The following SUZ12 variants were observed in gnomAD, a reference collection of about 807,000 sequenced individuals.
SUZ12 encodes SUZ12 polycomb repressive complex 2 subunit, also known as polycomb protein SUZ12.
In SUZ12, 17 loss-of-function variants were observed where a neutral mutation model predicts 87.3. The ratio of observed to expected loss-of-function variants is 0.19; its 90% CI spans 0.13 to 0.29. The LOEUF (loss-of-function observed/expected upper bound fraction) is 0.29, where lower values mean the gene tolerates loss of function less well. Ranked by LOEUF, SUZ12 falls within the 10% of genes least tolerant of loss-of-function variation. The pLI is 1.00. For synonymous variants in SUZ12, 253 were observed against 312.4 expected (o/e 0.81, Z 2.01); for missense variants, 526 against 912.2 (o/e 0.58, Z 5.45).
intron 6 of SUZ12, among the ~76,000 whole-genome samples, chr17:31,974,143 G>A (rs1324194504): frequency 6.6e-6 from 1 of 151,974 alleles, no homozygotes; most frequent in South Asian, 2.1e-4. Flanking sequence ...CCAGTAAGTC[G>A]AGGCTGCAGT....
chr17:31,951,936 A>G (rs1193026595), intron 4 of SUZ12, among the ~76,000 whole-genome samples: 2 of 151,000 alleles, frequency 1.3e-5, no homozygotes, highest in Non-Finnish European at 2.9e-5. Flanking sequence ...TACCACGTCC[A>G]ACTAATTTTT....
intron 10 of SUZ12, among the ~76,000 whole-genome samples, chr17:31,990,148 G>GTTTTTTTTTT (rs1567836883): frequency 7.9e-6 from 1 of 127,042 alleles, no homozygotes; most frequent in Non-Finnish European, 1.6e-5. Flanking sequence ...TTTTTTTTTG[G>GTTTTTTTTTT]ATTTTTAGTA....
At position 31,975,754 on chromosome 17, in the gene SUZ12, G is replaced by C. The variant is rs766834655; in HGVS notation, c.823+41G>C. 4 of 1,462,058 alleles carry C rather than the reference G, an allele frequency of 2.7e-6. No individual in the cohort carries two copies. In the East Asian group the frequency reaches 9.5e-5, roughly 35 times the overall value. The allele number at this position is 1,462,058 out of a possible 1,614,324, so 90.6% of individuals were successfully genotyped here. A position where few individuals can be genotyped will look rare whatever the true frequency, so the allele number is the denominator to read the frequency against. The stretch of plus-strand genomic sequence containing the variant: ...ACTAGATTTTATCACTGGAGACTAA[G>C]ATGGTCATTGAAAATGATTGTACCA... On this transcript the variant is annotated intron_variant, in intron 7 of 15. Coordinates refer to ENST00000322652, the MANE Select transcript of SUZ12 (RefSeq NM_015355.4).
At chr17:31,986,806 T>C (rs1909445463) in intron 9 of SUZ12, among the ~76,000 whole-genome samples, 1 of 152,212 alleles carries the variant, frequency 6.6e-6, no homozygotes, top group African/African-American at 2.4e-5. Context: ...CTCCTCGGCC[T>C]CCCAAAGTGC....
intron 8 of SUZ12, among the ~76,000 whole-genome samples, chr17:31,980,873 A>C (rs1337177118): frequency 6.6e-6 from 1 of 152,092 alleles, no homozygotes; most frequent in African/African-American, 2.4e-5. Flanking sequence ...TTGTTTTTAA[A>C]ATCTCACAGA....
intron 5 of SUZ12, among the ~76,000 whole-genome samples, chr17:31,969,778 A>G (rs929914071): frequency 6.6e-6 from 1 of 152,144 alleles, no homozygotes; most frequent in Non-Finnish European, 1.5e-5. Flanking sequence ...GCTTGCCTGT[A>G]TTTCCATCTA....
Position 31,999,730 on chromosome 17 carries a change from T to C in SUZ12, c.*727T>C. On this transcript the variant is annotated 3_prime_UTR_variant, in exon 16 of 16. Coordinates refer to ENST00000322652, the MANE Select transcript of SUZ12 (RefSeq NM_015355.4). ...TTTCATGTGGATAATTTTAGTGCAT[T>C]GCTCACCCGGTATGTTTTTTTTTTT... is the stretch of plus-strand genomic sequence containing the variant. The C allele has an allele frequency of 4.3e-6, 1 of 232,368 alleles. No individual in the cohort carries two copies. The allele number at this position is 232,368 out of a possible 1,614,324, so 14.4% of individuals were successfully genotyped here.
rs183650826 is a variant in SUZ12 at position 31,976,566 on chromosome 17, A to G, written c.869A>G (p.Asp290Gly). 6 of 1,613,316 alleles carry G rather than the reference A, an allele frequency of 3.7e-6. No individual in the cohort carries two copies. The African/African-American group carries it at 4.0e-5, about 11-fold the overall frequency. The change falls in exon 8 of 16, where the codon GAT becomes GGT. Residue 290 changes from aspartate to glycine, a missense_variant. By Grantham distance (94) the Asp-to-Gly change is moderately conservative. This residue lies in a region of SUZ12 where 73 missense variants were observed against 133.8 expected (regional missense o/e 0.55). Coordinates refer to ENST00000322652, the MANE Select transcript of SUZ12 (RefSeq NM_015355.4). ...LPARRKRNRE[D>G]GEKTFVAQMT... ...GCCAGAAGAAAACGAAATCGTGAGG[A>G]TGGGGAAAAGACATTTGTTGCACAA... is the stretch of plus-strand genomic sequence containing the variant.
chr17:31,991,272 G>A (rs928819622), intron 10 of SUZ12, among the ~76,000 whole-genome samples: 2 of 152,072 alleles, frequency 1.3e-5, no homozygotes, highest in Non-Finnish European at 2.9e-5. Context: ...AGCACTTTGG[G>A]AGACCAGGGT....
At chr17:31,956,431 G>A (rs368906411) in intron 4 of SUZ12, among the ~76,000 whole-genome samples, 2 of 151,810 alleles carry the variant, frequency 1.3e-5, no homozygotes, top group Admixed American at 6.6e-5. Flanking sequence ...CCTCGTGATC[G>A]GCCCACCTCA....
chr17:31,972,277 T>G (rs1416813061), intron 5 of SUZ12, among the ~76,000 whole-genome samples: 1 of 151,804 alleles, frequency 6.6e-6, no homozygotes. Flanking sequence ...AGAACGAGTC[T>G]CTGTCTCGAA....
In SUZ12 at chr17:31,985,444, A is replaced by T. The variant is rs770592474; in HGVS notation, c.1023+2340A>T. On this transcript the variant is annotated intron_variant, in intron 9 of 15. Coordinates refer to ENST00000322652, the MANE Select transcript of SUZ12 (RefSeq NM_015355.4). ...CATAACTGTATACATATATATATAT[A>T]TATTTTCCCTGTTTCTAAAATTTAT... Among the ~76,000 whole-genome samples, 17 of 151,464 alleles carry T rather than the reference A, an allele frequency of 1.1e-4. 1 individual carries two copies. Among genetic ancestry groups the T allele is most frequent in the South Asian group, 2.1e-4 (1 of 4,824 alleles).
chr17:31,989,988 AGTCTCGCCCAG>A (rs1018924008), intron 10 of SUZ12, among the ~76,000 whole-genome samples: 2 of 144,088 alleles, frequency 1.4e-5, no homozygotes, highest in Admixed American at 7.1e-5. Flanking sequence ...TTTGAGATGG[AGTCTCGCCCAG>A]GCTGGAGTGC....
intron 5 of SUZ12, among the ~76,000 whole-genome samples, chr17:31,971,720 A>G (rs1234665460): frequency 6.6e-6 from 1 of 152,008 alleles, no homozygotes; most frequent in South Asian, 2.1e-4. Flanking sequence ...GTGAGCCACC[A>G]CACCTGGCCC....
rs539038057 is a variant in SUZ12 at position 31,972,155 on chromosome 17, C to T, written c.506-991C>T. 5.3e-5 allele frequency among the ~76,000 whole-genome samples: 8 copies of T among 151,638 alleles called. No individual in the cohort carries two copies. The South Asian group carries it at 1.0e-3, about 20-fold the overall frequency. On this transcript the variant is annotated intron_variant, in intron 5 of 15. Coordinates refer to ENST00000322652, the MANE Select transcript of SUZ12 (RefSeq NM_015355.4). ...AAAAAATCAGCTGGGTGTCCTGGTGCGCACCTGTAGTCCCAGATACTTGGG... is the reference window on the plus strand; with the variant it reads ...AAAAAATCAGCTGGGTGTCCTGGTGTGCACCTGTAGTCCCAGATACTTGGG...
intron 4 of SUZ12, among the ~76,000 whole-genome samples, chr17:31,950,434 C>T (rs1052122833): frequency 1.3e-5 from 2 of 152,178 alleles, no homozygotes; most frequent in East Asian, 1.9e-4. Flanking sequence ...CCTATAATCC[C>T]AGCATTTTGG....
intron 1 of SUZ12, among the ~76,000 whole-genome samples, chr17:31,938,225 G>T (rs1351911184): frequency 6.6e-6 from 1 of 152,216 alleles, no homozygotes; most frequent in Non-Finnish European, 1.5e-5. Context: ...AGAGCAAGGT[G>T]TCTGGAAACA....
chr17:31,980,429 C>CTTTTTTTTTTTTTTTTT lies in SUZ12; in HGVS notation c.918-2549_918-2533dup, dbSNP rs58491591. ...TAAGATATACCAGAATCACCTTCTC[C>CTTTTTTTTTTTTTTTTT]TTTTTTTTTTTTTTTTTTTTTTTTT... On this transcript the variant is annotated intron_variant, in intron 8 of 15. Coordinates refer to ENST00000322652, the MANE Select transcript of SUZ12 (RefSeq NM_015355.4). Among the ~76,000 whole-genome samples the CTTTTTTTTTTTTTTTTT allele has an allele frequency of 1.3e-4, 7 of 53,834 alleles. 2 individuals carry two copies. The highest frequency in any genetic ancestry group is 1.4e-4 in the African/African-American group (2 of 14,332). The allele number at this position is 53,834 out of a possible 152,430, so 35.3% of individuals were successfully genotyped here. A position where few individuals can be genotyped will look rare whatever the true frequency, so the allele number is the denominator to read the frequency against.
At chr17:31,971,584 C>A (rs1461545471) in intron 5 of SUZ12, among the ~76,000 whole-genome samples, 2 of 151,908 alleles carry the variant, frequency 1.3e-5, no homozygotes, top group Non-Finnish European at 2.9e-5. Context: ...GCATGCACCA[C>A]CATGCCTGGC....
Sources: gnomAD v4.1 joint callset for allele counts (sites outside exome capture counted in the v4.1 genomes callset) on GRCh38, gnomAD v4.1.1 for gene constraint, gnomAD v4.1.1 regional missense constraint, MANE v1.5 for transcripts, NCBI Gene and HGNC (gene_info 2026-07-23, HGNC 2026-07-21) for gene names.